ENTREP2: variants seen among roughly 807,000 people sequenced by gnomAD.
ENTREP2 encodes endosomal transmembrane epsin interactor 2.
chr15:29,275,469 T>C, the ENTREP2 span, among the ~76,000 whole-genome samples: 16 of 152,300 alleles, frequency 1.1e-4, no homozygotes, highest in East Asian at 3.1e-3. Context: ...GGCAGTGAAG[T>C]CACAAAGACA....
the ENTREP2 span, among the ~76,000 whole-genome samples, chr15:29,645,499 C>T: frequency 3.9e-5 from 6 of 152,188 alleles, no homozygotes; most frequent in Non-Finnish European, 8.8e-5. Context: ...TGCCACATTA[C>T]AGTAGCTTGT....
At chr15:29,306,067 G>A in the ENTREP2 span, among the ~76,000 whole-genome samples, 1 of 152,244 alleles carries the variant, frequency 6.6e-6, no homozygotes, top group Non-Finnish European at 1.5e-5. Context: ...CACTGACTGC[G>A]GGATTTGGCC....
At chr15:29,586,826 T>C in the ENTREP2 span, among the ~76,000 whole-genome samples, 1 of 152,178 alleles carries the variant, frequency 6.6e-6, no homozygotes, top group East Asian at 1.9e-4. Flanking sequence ...AATATAGATG[T>C]AATTTGGCTA....
the ENTREP2 span, among the ~76,000 whole-genome samples, chr15:29,373,169 T>TA: frequency 1.3e-5 from 2 of 149,964 alleles, no homozygotes; most frequent in African/African-American, 4.9e-5. Context: ...TTAAGAAAAA[T>TA]AAAAAGAAAA....
At chr15:29,126,453 T>C in the ENTREP2 span, 2 of 1,549,940 alleles carry the variant, frequency 1.3e-6, no homozygotes, top group Admixed American at 2.0e-5. Flanking sequence ...GGCGTAGCAG[T>C]GCCCTCGGAC....
chr15:29,577,508 C>T, the ENTREP2 span, among the ~76,000 whole-genome samples: 12 of 152,018 alleles, frequency 7.9e-5, no homozygotes, highest in African/African-American at 1.4e-4. Context: ...TGCGCACCAC[C>T]GTGCCTGACT....
chr15:29,372,716 C>A, the ENTREP2 span, among the ~76,000 whole-genome samples: 1 of 152,078 alleles, frequency 6.6e-6, no homozygotes, highest in Non-Finnish European at 1.5e-5. Flanking sequence ...GAAAATAAGT[C>A]ATTTGACTTA....
the ENTREP2 span, among the ~76,000 whole-genome samples, chr15:29,223,019 G>C: frequency 6.4e-3 from 971 of 152,274 alleles, 7 homozygotes; most frequent in African/African-American, 0.022. Flanking sequence ...TACAGCACTG[G>C]ACACCTGGTC....
the ENTREP2 span, among the ~76,000 whole-genome samples, chr15:29,632,066 T>C: frequency 2.0e-5 from 3 of 152,218 alleles, no homozygotes; most frequent in Admixed American, 1.3e-4. Context: ...GCTAGATAAA[T>C]AAGGTTTTTC....
the ENTREP2 span, among the ~76,000 whole-genome samples, chr15:29,504,412 T>G: frequency 6.6e-6 from 1 of 152,242 alleles, no homozygotes; most frequent in Non-Finnish European, 1.5e-5. Context: ...ATTTGTGTGA[T>G]GTTTTGAAAC....
At chr15:29,144,102 CATGCT>C in the ENTREP2 span, among the ~76,000 whole-genome samples, 1 of 152,142 alleles carries the variant, frequency 6.6e-6, no homozygotes, top group African/African-American at 2.4e-5. Context: ...AGAAGAAAGT[CATGCT>C]GAGGAAAGCA....
At chr15:29,650,697 A>T in the ENTREP2 span, among the ~76,000 whole-genome samples, 1 of 152,080 alleles carries the variant, frequency 6.6e-6, no homozygotes, top group African/African-American at 2.4e-5. Flanking sequence ...ATTGGTGGTG[A>T]TGTGCGCCTA....
the ENTREP2 span, among the ~76,000 whole-genome samples, chr15:29,186,712 T>C: frequency 3.7e-3 from 571 of 152,304 alleles, 2 homozygotes; most frequent in African/African-American, 0.013. Flanking sequence ...AATGAGGGCA[T>C]ATTTGAGACC....
the ENTREP2 span, among the ~76,000 whole-genome samples, chr15:29,438,630 T>C: frequency 6.6e-6 from 1 of 152,118 alleles, no homozygotes; most frequent in African/African-American, 2.4e-5. Context: ...AATCCCCAGC[T>C]ATCCTGTGGT....
At chr15:29,284,855 G>T in the ENTREP2 span, among the ~76,000 whole-genome samples, 53 of 152,270 alleles carry the variant, frequency 3.5e-4, no homozygotes, top group African/African-American at 1.2e-3. Context: ...AGTGAATCTC[G>T]TAATATTTAT....
At chr15:29,141,500 G>A in the ENTREP2 span, among the ~76,000 whole-genome samples, 4 of 152,182 alleles carry the variant, frequency 2.6e-5, no homozygotes, top group African/African-American at 9.7e-5. Flanking sequence ...GACAAGGGCC[G>A]GGGATTTGCA....
the ENTREP2 span, among the ~76,000 whole-genome samples, chr15:29,617,043 G>A: frequency 4.6e-5 from 7 of 152,290 alleles, no homozygotes; most frequent in African/African-American, 1.7e-4. Context: ...CTGGGCAACT[G>A]AGTGAGACGC....
the ENTREP2 span, among the ~76,000 whole-genome samples, chr15:29,315,635 A>G: frequency 1.1e-4 from 16 of 152,192 alleles, no homozygotes; most frequent in Non-Finnish European, 2.2e-4. Context: ...AAAACATGGA[A>G]TTCCTCTCTA....
chr15:29,416,989 G>T, the ENTREP2 span, among the ~76,000 whole-genome samples: 3 of 152,136 alleles, frequency 2.0e-5, no homozygotes, highest in African/African-American at 7.2e-5. Flanking sequence ...AAAAAGTCAG[G>T]AAACAACAGG....
Sources: allele counts gnomAD v4.1 joint callset (sites outside exome capture counted in the v4.1 genomes callset), GRCh38; gene constraint gnomAD v4.1.1; transcripts MANE v1.5; gene names NCBI Gene and HGNC (gene_info 2026-07-23, HGNC 2026-07-21).